TMEM207: variants seen among roughly 807,000 people sequenced by gnomAD.
TMEM207 encodes the protein transmembrane protein 207, also known as SRSR846.
A neutral mutation model predicts 17.4 loss-of-function variants in TMEM207; 15 were observed. That is an observed-to-expected ratio of 0.86 (90% CI 0.58 to 1.33). The LOEUF (loss-of-function observed/expected upper bound fraction) is 1.33, where lower values mean the gene tolerates loss of function less well. TMEM207 is among the 40% of genes most tolerant of loss of function. The pLI is 0.00. For synonymous variants in TMEM207, 70 were observed against 65.6 expected, an observed-to-expected ratio of 1.07 and a Z score of -0.33; for missense variants, 205 against 173.8, an observed-to-expected ratio of 1.18 and a Z score of -1.01.
rs1719636274 is a variant in TMEM207, at chr3:190,429,205, T to A, written c.*390A>T. On this transcript the variant is annotated 3_prime_UTR_variant, in exon 5 of 5. Transcript: ENST00000354905. ...ATTCTCGGCTTGGGCTATTGTTAAA[T>A]TATAATAATTTTTATGGACCCCATG... is the stretch of plus-strand genomic sequence containing the variant. 1 of 157,056 alleles carries A rather than the reference T, an allele frequency of 6.4e-6. No homozygotes were observed. Among genetic ancestry groups the A allele is most frequent in the Admixed American group, 6.3e-5 (1 of 15,922 alleles). The allele number at this position is 157,056 out of a possible 1,614,324, so 9.7% of individuals were successfully genotyped here.
chr3:190,433,078 T>C (rs1719724613), intron 4 of TMEM207, among the ~76,000 whole-genome samples: 1 of 152,202 alleles, frequency 6.6e-6, no homozygotes, highest in South Asian at 2.1e-4. Flanking sequence ...TAATTGATTA[T>C]GTTTTATTAA....
chr3:190,429,289 G>A lies in TMEM207; in HGVS notation c.*306C>T. The stretch of plus-strand genomic sequence containing the variant: ...TGTATACTGCAGTGGAGTCCTAAAT[G>A]TGATGGAAACTACTTCCAGCACCTA... On this transcript the variant is annotated 3_prime_UTR_variant, in exon 5 of 5. Transcript: ENST00000354905. 1 of 304,596 alleles carries A rather than the reference G, an allele frequency of 3.3e-6. No homozygotes were observed. The highest frequency in any genetic ancestry group is 3.7e-5 in the South Asian group (1 of 27,178). The allele number at this position is 304,596 out of a possible 1,614,324, so 18.9% of individuals were successfully genotyped here.
At chr3:190,448,243 G>A (rs1163459061) in intron 1 of TMEM207, among the ~76,000 whole-genome samples, 5 of 151,862 alleles carry the variant, frequency 3.3e-5, no homozygotes, top group Non-Finnish European at 7.4e-5. Context: ...GTACATACAT[G>A]GAAACAGAAG....
chr3:190,437,691 G>T (rs988130915), intron 4 of TMEM207, among the ~76,000 whole-genome samples: 1 of 151,928 alleles, frequency 6.6e-6, no homozygotes, highest in Non-Finnish European at 1.5e-5. Context: ...TCAGTGTGGC[G>T]ATTCCTCAGG....
intron 4 of TMEM207, among the ~76,000 whole-genome samples, 163 bp from the exon 5 acceptor site, chr3:190,429,894 G>GAAA (rs555368112): frequency 7.9e-4 from 107 of 136,114 alleles, no homozygotes; most frequent in African/African-American, 3.0e-3. Context: ...TTGCAGTGAA[G>GAAA]GTTTAGTCAC....
chr3:190,441,359 T>G (rs1031704160), intron 3 of TMEM207, 79 bp downstream of exon 3: 98 of 1,136,542 alleles, frequency 8.6e-5, no homozygotes, highest in Non-Finnish European at 1.2e-4. Context: ...TATGATTTCA[T>G]GTACCATCTC....
intron 2 of TMEM207, chr3:190,444,424 A>G: frequency 1.0e-6 from 1 of 985,252 alleles, no homozygotes; most frequent in South Asian, 4.7e-5. Context: ...GCCAGCTCTA[A>G]CCTCATAGTA....
chr3:190,445,997 C>A (rs1447811386), intron 2 of TMEM207, among the ~76,000 whole-genome samples: 1 of 152,210 alleles, frequency 6.6e-6, no homozygotes, highest in Non-Finnish European at 1.5e-5. Context: ...TACTTTGATG[C>A]TCCCTTGCAT....
At chr3:190,443,554 A>G (rs3909577) in intron 2 of TMEM207, among the ~76,000 whole-genome samples, 151,167 of 152,206 alleles carry the variant, frequency 0.99, 75,068 homozygotes, top group Middle Eastern at 1. Flanking sequence ...GATTTTGCAC[A>G]GTGTACCACT....
At chr3:190,431,666 C>T (rs1322659381) in intron 4 of TMEM207, among the ~76,000 whole-genome samples, 2 of 151,914 alleles carry the variant, frequency 1.3e-5, no homozygotes, top group East Asian at 1.9e-4. Context: ...GTGAACTGCC[C>T]CTAGTGTATT....
intron 4 of TMEM207, among the ~76,000 whole-genome samples, chr3:190,433,412 CA>C (rs1719731722): frequency 1.3e-5 from 2 of 151,956 alleles, no homozygotes; most frequent in East Asian, 1.9e-4. Context: ...AAAAATAAAA[CA>C]AAACAATTAA....
At chr3:190,430,519 TTA>T (rs771315217) in intron 4 of TMEM207, among the ~76,000 whole-genome samples, 82 of 149,508 alleles carry the variant, frequency 5.5e-4, no homozygotes, top group African/African-American at 1.4e-3. Context: ...AAAGATGGTT[TTA>T]TATATATATA....
In TMEM207 at chr3:190,448,862, T is replaced by C. The variant is rs189849029; in HGVS notation, c.75+873A>G. On this transcript the variant is annotated intron_variant, in intron 1 of 4. Transcript: ENST00000354905. ...GTGGAGTTGCAGATGGAGCCATGAA[T>C]TGGCCATCAGAGAGCATGGTAATGA... 2.6e-5 allele frequency among the ~76,000 whole-genome samples: 4 copies of C among 152,300 alleles called. No individual in the cohort carries two copies. In the East Asian group the frequency reaches 5.8e-4, roughly 22 times the overall value.
intron 4 of TMEM207, 135 bp from the exon 5 acceptor site, chr3:190,429,866 T>G (rs1445685866): frequency 8.8e-7 from 1 of 1,140,782 alleles, no homozygotes; most frequent in Middle Eastern, 2.7e-4. Context: ...GAGAAAAAAA[T>G]TACAACTATC....
At chr3:190,430,795 A>G (rs1205095320) in intron 4 of TMEM207, among the ~76,000 whole-genome samples, 1 of 152,096 alleles carries the variant, frequency 6.6e-6, no homozygotes. Flanking sequence ...TAGACCATAT[A>G]TTTTGCAAAG....
intron 2 of TMEM207, among the ~76,000 whole-genome samples, chr3:190,444,680 T>C (rs79055328): frequency 0.03 from 4,534 of 152,198 alleles, 103 homozygotes; most frequent in South Asian, 0.085. Context: ...ATTGGTTATA[T>C]AGTGTCCTCT....
chr3:190,432,996 C>A (rs1719723144), intron 4 of TMEM207, among the ~76,000 whole-genome samples: 1 of 152,114 alleles, frequency 6.6e-6, no homozygotes, highest in African/African-American at 2.4e-5. Context: ...CCTTGTCAAG[C>A]CTGAGGGAAC....
chr3:190,439,378 C>T (rs1719880771), intron 4 of TMEM207, among the ~76,000 whole-genome samples: 1 of 151,956 alleles, frequency 6.6e-6, no homozygotes, highest in Non-Finnish European at 1.5e-5. Context: ...CAGGGCACAC[C>T]CTGCTCCATC....
intron 4 of TMEM207, among the ~76,000 whole-genome samples, chr3:190,433,820 G>A (rs927740020): frequency 6.6e-6 from 1 of 152,078 alleles, no homozygotes; most frequent in African/African-American, 2.4e-5. Context: ...TGGATCATGG[G>A]AATGGCTTCT....
Sources: allele counts gnomAD v4.1 joint callset (sites outside exome capture counted in the v4.1 genomes callset), GRCh38; gene constraint gnomAD v4.1.1; transcripts MANE v1.5; gene names NCBI Gene and HGNC (gene_info 2026-07-23, HGNC 2026-07-21).